Variants in PCDH15 observed in about 807,000 individuals in gnomAD.
The protein encoded by PCDH15 is protocadherin related 15, also known as protocadherin-15.
Under a neutral mutation model 178.5 loss-of-function variants are expected in PCDH15, and 129 were observed. The ratio of observed to expected loss-of-function variants is 0.72; its 90% CI spans 0.63 to 0.84. The LOEUF (loss-of-function observed/expected upper bound fraction) is 0.84. Among genes scored for constraint, PCDH15 ranks in the 40% least tolerant of loss-of-function variants. PCDH15 has a pLI of 0.00. For missense variants in PCDH15, 2,230 were observed against 2,099.9 expected (o/e 1.06, Z -1.21); for synonymous variants, 800 against 732.0 (o/e 1.09, Z -1.50).
intron 8 of PCDH15, among the ~76,000 whole-genome samples, chr10:54,315,182 A>T (rs1370592307): frequency 6.6e-6 from 1 of 152,162 alleles, no homozygotes; most frequent in African/African-American, 2.4e-5. Context: ...TTTTCTCTGC[A>T]ACCTTGCCAG....
chr10:55,489,706 T>C (rs1840372075), intron 2 of PCDH15, among the ~76,000 whole-genome samples: 2 of 151,720 alleles, frequency 1.3e-5, no homozygotes, highest in South Asian at 4.1e-4. Flanking sequence ...TCTTCTATTT[T>C]TCTGCCACCT....
At chr10:55,458,820 G>C (rs919022370) in intron 2 of PCDH15, among the ~76,000 whole-genome samples, 3 of 152,018 alleles carry the variant, frequency 2.0e-5, no homozygotes, top group Non-Finnish European at 4.4e-5. Context: ...CAGACAATGT[G>C]CTATGTTTTG....
intron 2 of PCDH15, among the ~76,000 whole-genome samples, chr10:55,411,432 A>C (rs1375897151): frequency 6.6e-6 from 1 of 152,152 alleles, no homozygotes; most frequent in African/African-American, 2.4e-5. Context: ...TAGCAAAACA[A>C]CAAGAAAAAT....
chr10:54,998,955 G>A (rs1839720010), intron 2 of PCDH15, among the ~76,000 whole-genome samples: 1 of 152,144 alleles, frequency 6.6e-6, no homozygotes, highest in Non-Finnish European at 1.5e-5. Context: ...AAGATAAAAT[G>A]TGGGGGTTGC....
intron 2 of PCDH15, among the ~76,000 whole-genome samples, chr10:54,646,384 C>T (rs987093257): frequency 1.3e-5 from 2 of 152,022 alleles, no homozygotes; most frequent in African/African-American, 2.4e-5. Flanking sequence ...AACCAAGCCC[C>T]AAGGATATTG....
intron 3 of PCDH15, among the ~76,000 whole-genome samples, chr10:54,854,049 G>T (rs1421937246): frequency 6.6e-6 from 1 of 152,204 alleles, no homozygotes; most frequent in Non-Finnish European, 1.5e-5. Flanking sequence ...ATGGCGAGGG[G>T]TGTGTGAGCA....
chr10:53,999,028 G>A (rs1166221147), intron 20 of PCDH15, among the ~76,000 whole-genome samples: 1 of 145,430 alleles, frequency 6.9e-6, no homozygotes, highest in African/African-American at 2.6e-5. Context: ...ACTCCAGCCT[G>A]GGTGACAGAG....
At chr10:54,373,526 T>C (rs1413636250) in intron 4 of PCDH15, among the ~76,000 whole-genome samples, 1 of 152,000 alleles carries the variant, frequency 6.6e-6, no homozygotes, top group Non-Finnish European at 1.5e-5. Flanking sequence ...AAAGAAAATA[T>C]CAATTTGTAA....
rs181994705 is a variant in PCDH15, at chr10:54,375,205, C to G, written c.318+3577G>C. Among the ~76,000 whole-genome samples, 69 of 152,158 alleles carry G rather than the reference C, an allele frequency of 4.5e-4. 1 individual carries two copies. The highest frequency in any genetic ancestry group is 1.5e-3 in the African/African-American group (62 of 41,548). On this transcript the variant is annotated intron_variant, in intron 4 of 37. Coordinates refer to ENST00000644397, the MANE Select transcript of PCDH15 (RefSeq NM_001384140.1). The stretch of plus-strand genomic sequence containing the variant: ...AGAAATTTTAAAACAAAACAAAACA[C>G]AGTGACTTTAAGCCTTCTTTAATGG...
chr10:54,365,083 A>G (rs1160760970), intron 5 of PCDH15, among the ~76,000 whole-genome samples: 1 of 152,046 alleles, frequency 6.6e-6, no homozygotes, highest in East Asian at 1.9e-4. Context: ...TTAAGGGCTC[A>G]CACTGAGATT....
chr10:55,360,276 A>C (rs147932469), intron 2 of PCDH15, among the ~76,000 whole-genome samples: 1 of 151,994 alleles, frequency 6.6e-6, no homozygotes, highest in South Asian at 2.1e-4. Context: ...GTATATGATA[A>C]AATACATGAA....
rs759578201 is a variant in PCDH15, at chr10:53,823,045, T to C, written c.4368-2815A>G. 10 of 1,614,112 alleles carry C rather than the reference T, an allele frequency of 6.2e-6. No individual in the cohort carries two copies. The South Asian group carries it at 1.1e-4, about 18-fold the overall frequency. On this transcript the variant is annotated intron_variant, in intron 32 of 37. Coordinates refer to ENST00000644397, the MANE Select transcript of PCDH15 (RefSeq NM_001384140.1). The stretch of plus-strand genomic sequence containing the variant: ...TTTTCTCTTGGGCCCCTCAGAGACT[T>C]ACTCTTGGCTTGTATTTTGGGTGAA...
At chr10:54,357,258 A>G (rs573894210) in intron 5 of PCDH15, among the ~76,000 whole-genome samples, 1 of 152,284 alleles carries the variant, frequency 6.6e-6, no homozygotes, top group Non-Finnish European at 1.5e-5. Flanking sequence ...TGTATATCTG[A>G]AAACCCCACT....
At chr10:53,964,256 C>T (rs1458099241) in intron 21 of PCDH15, among the ~76,000 whole-genome samples, 1 of 151,836 alleles carries the variant, frequency 6.6e-6, no homozygotes, top group Non-Finnish European at 1.5e-5. Context: ...CTGTTTGTCT[C>T]CCACATAAGA....
chr10:53,995,708 G>A lies in PCDH15; in HGVS notation c.2809C>T (p.Pro937Ser). 1 of 1,613,850 alleles carries A rather than the reference G, an allele frequency of 6.2e-7. No homozygotes were observed. The highest frequency in any genetic ancestry group is 8.5e-7 in the Non-Finnish European group (1 of 1,179,814). Reference protein sequence around the residue: ...SKRIYKGMVAPDAVKGTPITT... With the variant: ...SKRIYKGMVASDAVKGTPITT... ...ATAGGTGTACCCTTGACTGCATCCG[G>A]AGCCACCATCCCTTTGTATATTCGT... The change falls in exon 21 of 38, where the codon CCG (proline) becomes TCG (serine). Residue 937 changes from proline to serine, a missense_variant. By Grantham distance (74) the Pro-to-Ser change is moderately conservative. Coordinates refer to ENST00000644397, the MANE Select transcript of PCDH15 (RefSeq NM_001384140.1).
intron 2 of PCDH15, among the ~76,000 whole-genome samples, chr10:55,492,493 C>A (rs1840440628): frequency 6.6e-6 from 1 of 151,670 alleles, no homozygotes; most frequent in Admixed American, 6.6e-5. Flanking sequence ...AGCTACACAA[C>A]ACAGGGTAAA....
intron 8 of PCDH15, among the ~76,000 whole-genome samples, chr10:54,259,409 G>A (rs985983817): frequency 6.6e-6 from 1 of 152,156 alleles, no homozygotes; most frequent in Admixed American, 6.5e-5. Flanking sequence ...CTACGTGAGA[G>A]AATGGTCCAT....
chr10:54,975,112 G>A (rs1172838877), intron 2 of PCDH15, among the ~76,000 whole-genome samples: 1 of 152,160 alleles, frequency 6.6e-6, no homozygotes, highest in African/African-American at 2.4e-5. Context: ...CTTTCGGTGT[G>A]TAAAATTAGA....
At chr10:55,255,468 C>A (rs916932933) in intron 1 of PCDH15, among the ~76,000 whole-genome samples, 1 of 152,084 alleles carries the variant, frequency 6.6e-6, no homozygotes, top group Admixed American at 6.5e-5. Context: ...GTATATACCC[C>A]GTAATGGAAC....
Sources: allele counts gnomAD v4.1 joint callset (sites outside exome capture counted in the v4.1 genomes callset), GRCh38; gene constraint gnomAD v4.1.1; transcripts MANE v1.5; gene names NCBI Gene and HGNC (gene_info 2026-07-23, HGNC 2026-07-21).